The following OR6C74 variants were observed in gnomAD, a reference collection of about 807,000 sequenced individuals.
OR6C74 encodes the protein olfactory receptor family 6 subfamily C member 74, also known as olfactory receptor 6C74.
For synonymous variants in OR6C74, 142 were observed against 134.2 expected, an observed-to-expected ratio of 1.06 and a Z score of -0.40; for missense variants, 361 against 362.9, an observed-to-expected ratio of 0.99 and a Z score of 0.04.
Position 55,255,029 on chromosome 12 carries a change from A to C in OR6C74, c.*6803A>C, listed in dbSNP as rs1954334293. ...GGATTTTTTTTTACAAAGTTGTTTT[A>C]ATATCATTCAGCCTTGAAAGATCGA... On this transcript the variant is annotated 3_prime_UTR_variant, in exon 2 of 2. Transcript: ENST00000343399. Among the ~76,000 whole-genome samples, 1 of 152,088 alleles carries C rather than the reference A, an allele frequency of 6.6e-6. No individual in the cohort carries two copies. Among genetic ancestry groups the C allele is most frequent in the African/African-American group, 2.4e-5 (1 of 41,428 alleles).
In OR6C74 at chr12:55,251,087, A is replaced by G. The variant is rs1273921443; in HGVS notation, c.*2861A>G. The stretch of plus-strand genomic sequence containing the variant: ...ACAAAATTCCCCAAATATTTGCATA[A>G]CCTGGCCTGTCCAGTTTGGTTTCTT... On this transcript the variant is annotated 3_prime_UTR_variant, in exon 2 of 2. Coordinates refer to ENST00000343399, the MANE Select transcript of OR6C74 (RefSeq NM_001005490.2). 6.6e-6 allele frequency among the ~76,000 whole-genome samples: 1 copy of G among 152,134 alleles called. No individual in the cohort carries two copies. Among genetic ancestry groups the G allele is most frequent in the Non-Finnish European group, 1.5e-5 (1 of 67,990 alleles).
Position 55,253,348 on chromosome 12 carries a change from T to C in OR6C74, c.*5122T>C, listed in dbSNP as rs1004200910. Among the ~76,000 whole-genome samples, 2 of 152,066 alleles carry C rather than the reference T, an allele frequency of 1.3e-5. No individual in the cohort carries two copies. Among genetic ancestry groups the C allele is most frequent in the African/African-American group, 4.8e-5 (2 of 41,440 alleles). ...GAGGCAGACAGTTGAGTTCAATGGG[T>C]ATGTGGATTAAGTCACCACTCCTGC... On this transcript the variant is annotated 3_prime_UTR_variant, in exon 2 of 2. Transcript: ENST00000343399.
At position 55,247,780 on chromosome 12, in the gene OR6C74, G is replaced by A. The variant is rs1290843856; in HGVS notation, c.493G>A (p.Asp165Asn). The change falls in exon 2 of 2, where the codon GAT becomes AAT. Residue 165 changes from aspartate (D) to asparagine (N), a missense_variant. Transcript: ENST00000343399. ...FPPLLMGLQL[D>N]FCAANTVDHF... ...GCCACTCCTGATGGGTCTCCAGCTT[G>A]ATTTCTGTGCAGCCAACACTGTAGA... 2.5e-6 allele frequency: 4 copies of A among 1,613,930 alleles called. No homozygotes were observed. Among genetic ancestry groups the A allele is most frequent in the Non-Finnish European group, 3.4e-6 (4 of 1,179,966 alleles).
At position 55,251,144 on chromosome 12, in the gene OR6C74, C is replaced by A. The variant is rs1032833386; in HGVS notation, c.*2918C>A. On this transcript the variant is annotated 3_prime_UTR_variant, in exon 2 of 2. Coordinates refer to ENST00000343399, the MANE Select transcript of OR6C74 (RefSeq NM_001005490.2). ...TCCAACTAGTACTTCTATGATGTAA[C>A]CACACTAAACAACTAAGTATATTGC... 6.6e-6 allele frequency among the ~76,000 whole-genome samples: 1 copy of A among 152,034 alleles called. No homozygotes were observed. The highest frequency in any genetic ancestry group is 2.4e-5 in the African/African-American group (1 of 41,422).
In OR6C74 at chr12:55,252,754, T is replaced by C. The variant is rs1478342529; in HGVS notation, c.*4528T>C. Among the ~76,000 whole-genome samples the C allele has an allele frequency of 1.3e-5, 2 of 151,974 alleles. No individual in the cohort carries two copies. Among genetic ancestry groups the C allele is most frequent in the Non-Finnish European group, 2.9e-5 (2 of 67,912 alleles). The stretch of plus-strand genomic sequence containing the variant: ...AAAACATATTACTGATGGAGACCTG[T>C]TGTCATAGGGAAGGGAAAACTAGGC... On this transcript the variant is annotated 3_prime_UTR_variant, in exon 2 of 2. Coordinates refer to ENST00000343399, the MANE Select transcript of OR6C74 (RefSeq NM_001005490.2).
At chr12:55,246,087 GAA>G (rs1954268726) in intron 1 of OR6C74, among the ~76,000 whole-genome samples, 1 of 152,170 alleles carries the variant, frequency 6.6e-6, no homozygotes, top group Non-Finnish European at 1.5e-5. Context: ...TCTTCTTGGG[GAA>G]AGTGTTGTCA....
At chr12:55,247,118 A>G in intron 1 of OR6C74, 161 bp from the exon 2 acceptor site, 1 of 496,314 alleles carries the variant, frequency 2.0e-6, no homozygotes, top group South Asian at 4.4e-5. Context: ...GTATTTAGCA[A>G]CATTTTGAGT....
Position 55,247,701 on chromosome 12 carries a change from T to C in OR6C74, c.414T>C (p.Val138=). 1.2e-6 allele frequency: 2 copies of C among 1,614,068 alleles called. No homozygotes were observed. The highest frequency in any genetic ancestry group is 1.3e-5 in the African/African-American group (1 of 75,028). ...LHYTTIMSSR[V]CSLLVFASWM... ...ACACCACCATCATGAGCAGCAGAGT[T>C]TGCAGCTTGCTGGTCTTTGCTTCAT... Residue 138 remains valine (V), a synonymous_variant, in exon 2 of 2, where the codon GTT becomes GTC. Transcript: ENST00000343399.
At position 55,252,810 on chromosome 12, in the gene OR6C74, T is replaced by G. The variant is rs1954320100; in HGVS notation, c.*4584T>G. On this transcript the variant is annotated 3_prime_UTR_variant, in exon 2 of 2. Coordinates refer to ENST00000343399, the MANE Select transcript of OR6C74 (RefSeq NM_001005490.2). ...CTACTTATAAAATAAAATTCCATAA[T>G]TCTCTTCAATGTGTCTTTTAAAATA... Among the ~76,000 whole-genome samples the G allele has an allele frequency of 6.6e-6, 1 of 152,050 alleles. No individual in the cohort carries two copies. The highest frequency in any genetic ancestry group is 1.5e-5 in the Non-Finnish European group (1 of 67,944).
chr12:55,244,635 G>C lies in OR6C74; in HGVS notation c.-192G>C, dbSNP rs937348750. Among the ~76,000 whole-genome samples the C allele has an allele frequency of 6.6e-6, 1 of 152,034 alleles. No individual in the cohort carries two copies. Among genetic ancestry groups the C allele is most frequent in the Non-Finnish European group, 1.5e-5 (1 of 67,962 alleles). The stretch of plus-strand genomic sequence containing the variant: ...TCGTATAGACTAGAAACACCTCAGC[G>C]TGAACAACAAGCTAGAAACCTTCTC... On this transcript the variant is annotated 5_prime_UTR_variant, in exon 1 of 2. Coordinates refer to ENST00000343399, the MANE Select transcript of OR6C74 (RefSeq NM_001005490.2).
chr12:55,247,940 ATAT>A lies in OR6C74; in HGVS notation c.657_659del (p.Ile220del), dbSNP rs1269335356. 1 of 1,614,036 alleles carries A rather than the reference ATAT, an allele frequency of 6.2e-7. No homozygotes were observed. The highest frequency in any genetic ancestry group is 2.2e-5 in the East Asian group (1 of 44,876). Reference sequence around the variant, plus strand: ...GTATTAGTGATTCTCTCCTACACAAATATTATCAGGACTATTCTGAAAATACCT... The same window carrying A: ...GTATTAGTGATTCTCTCCTACACAAATATCAGGACTATTCTGAAAATACCT... On this transcript the variant is annotated inframe_deletion, in exon 2 of 2. Transcript: ENST00000343399.
intron 1 of OR6C74, among the ~76,000 whole-genome samples, chr12:55,245,552 A>G (rs61703734): frequency 0.25 from 37,451 of 151,978 alleles, 5,175 homozygotes; most frequent in Middle Eastern, 0.38. Context: ...TGCCTTTGGG[A>G]CTATACTGGT....
At position 55,247,624 on chromosome 12, in the gene OR6C74, C is replaced by A; in HGVS notation, c.337C>A (p.Leu113Met). Residue 113 changes from leucine (L) to methionine (M), a missense_variant, in exon 2 of 2, where the codon CTG becomes ATG. Physicochemically the swap from Leu to Met is conservative, Grantham distance 15. Transcript: ENST00000343399. ...ILLGATEFFL[L>M]AAMSYERYVA... ...CTTGGGGGCAACTGAATTTTTTCTT[C>A]TGGCTGCCATGTCCTATGAGCGCTA... 6.2e-7 allele frequency: 1 copy of A among 1,613,770 alleles called. No homozygotes were observed. Among genetic ancestry groups the A allele is most frequent in the Non-Finnish European group, 8.5e-7 (1 of 1,179,888 alleles).
In OR6C74 at chr12:55,247,659, C is replaced by T. The variant is rs775430736; in HGVS notation, c.372C>T (p.Ile124=). ...AAMSYERYVA[I]CKPLHYTTIM... ...TGTCCTATGAGCGCTATGTGGCCAT[C>T]TGCAAACCCCTGCATTACACCACCA... Residue 124 remains isoleucine, a synonymous_variant, in exon 2 of 2, where the codon ATC becomes ATT. Coordinates refer to ENST00000343399, the MANE Select transcript of OR6C74 (RefSeq NM_001005490.2). The T allele has an allele frequency of 2.1e-5, 34 of 1,613,812 alleles. No homozygotes were observed. The highest frequency in any genetic ancestry group is 2.1e-4 in the South Asian group (19 of 91,060).
rs1172508832 is a variant in OR6C74, at chr12:55,251,823, A to C, written c.*3597A>C. Among the ~76,000 whole-genome samples the C allele has an allele frequency of 1.3e-5, 2 of 151,830 alleles. No individual in the cohort carries two copies. Among genetic ancestry groups the C allele is most frequent in the Non-Finnish European group, 2.9e-5 (2 of 67,822 alleles). On this transcript the variant is annotated 3_prime_UTR_variant, in exon 2 of 2. Transcript: ENST00000343399. ...TAGTCAATATTATCATAAATTTAGA[A>C]ATTATGTCATATGAGAAAATATTTA...
rs1446479961 is a variant in OR6C74, at chr12:55,255,096, G to A, written c.*6870G>A. On this transcript the variant is annotated 3_prime_UTR_variant, in exon 2 of 2. Coordinates refer to ENST00000343399, the MANE Select transcript of OR6C74 (RefSeq NM_001005490.2). ...AGGGCAGAAGGGAGATTTGCTTCCTGACTAGGATTATAAAATAGATGTCTC... is the reference window on the plus strand; with the variant it reads ...AGGGCAGAAGGGAGATTTGCTTCCTAACTAGGATTATAAAATAGATGTCTC... Among the ~76,000 whole-genome samples, 1 of 152,032 alleles carries A rather than the reference G, an allele frequency of 6.6e-6. No individual in the cohort carries two copies. Among genetic ancestry groups the A allele is most frequent in the African/African-American group, 2.4e-5 (1 of 41,402 alleles).
chr12:55,247,084 C>G, intron 1 of OR6C74, 195 bp from the exon 2 acceptor site: 1 of 458,084 alleles, frequency 2.2e-6, no homozygotes, highest in Non-Finnish European at 3.8e-6. Flanking sequence ...ATTGAGAAAA[C>G]AGAACAAACT....
At position 55,254,440 on chromosome 12, in the gene OR6C74, T is replaced by C. The variant is rs760021032; in HGVS notation, c.*6214T>C. 6.6e-6 allele frequency among the ~76,000 whole-genome samples: 1 copy of C among 152,076 alleles called. No individual in the cohort carries two copies. The highest frequency in any genetic ancestry group is 1.5e-5 in the Non-Finnish European group (1 of 67,988). ...TTTCAGATTTCCAATCAATTAACTTTCACAAAAGATATCTGGGAAGGATGT... is the reference window on the plus strand; with the variant it reads ...TTTCAGATTTCCAATCAATTAACTTCCACAAAAGATATCTGGGAAGGATGT... On this transcript the variant is annotated 3_prime_UTR_variant, in exon 2 of 2. Transcript: ENST00000343399.
rs1954282130 is a variant in OR6C74, at chr12:55,247,706, G to C, written c.419G>C (p.Ser140Thr). 2 of 1,613,880 alleles carry C rather than the reference G, an allele frequency of 1.2e-6. No homozygotes were observed. The highest frequency in any genetic ancestry group is 1.1e-5 in the South Asian group (1 of 91,082). The change falls in exon 2 of 2, where the codon AGC (serine) becomes ACC (threonine). Residue 140 changes from serine (S) to threonine (T), a missense_variant. Transcript: ENST00000343399. Reference sequence around the variant, plus strand: ...ACCATCATGAGCAGCAGAGTTTGCAGCTTGCTGGTCTTTGCTTCATGGATG... The same window carrying C: ...ACCATCATGAGCAGCAGAGTTTGCACCTTGCTGGTCTTTGCTTCATGGATG... ...YTTIMSSRVCSLLVFASWMAG... is the reference protein window; with the variant it reads ...YTTIMSSRVCTLLVFASWMAG...
Sources: gnomAD v4.1 joint callset for allele counts (sites outside exome capture counted in the v4.1 genomes callset) on GRCh38, gnomAD v4.1.1 for gene constraint, MANE v1.5 for transcripts, NCBI Gene and HGNC (gene_info 2026-07-23, HGNC 2026-07-21) for gene names.